Variants in KCNJ6 observed in about 807,000 individuals in gnomAD.
The protein encoded by KCNJ6 is potassium inwardly rectifying channel subfamily J member 6, also known as G protein-activated inward rectifier potassium channel 2.
In KCNJ6, 9 loss-of-function variants were observed where a neutral mutation model predicts 34.2. The ratio of observed to expected loss-of-function variants is 0.26; its 90% CI spans 0.16 to 0.46. The LOEUF (loss-of-function observed/expected upper bound fraction) is 0.46. Among genes scored for constraint, KCNJ6 ranks in the 20% least tolerant of loss-of-function variants. The pLI, the probability that KCNJ6 is intolerant of heterozygous loss-of-function variation, is 1.00. For synonymous variants in KCNJ6, 196 were observed against 207.1 expected (o/e 0.95, Z 0.46); for missense variants, 236 against 531.3 (o/e 0.44, Z 5.46).
chr21:37,634,583 G>C (rs1345837560), intron 3 of KCNJ6, among the ~76,000 whole-genome samples: 1 of 152,090 alleles, frequency 6.6e-6, no homozygotes, highest in Non-Finnish European at 1.5e-5. Flanking sequence ...TATTCACCTA[G>C]TGGAATTTTA....
chr21:37,908,856 T>G (rs774472242), intron 1 of KCNJ6, among the ~76,000 whole-genome samples: 1 of 152,218 alleles, frequency 6.6e-6, no homozygotes, highest in Non-Finnish European at 1.5e-5. Context: ...TTAGCTGTAT[T>G]TCTTTGCTGC....
At chr21:37,727,960 T>C (rs1479780770) in intron 2 of KCNJ6, among the ~76,000 whole-genome samples, 2 of 152,240 alleles carry the variant, frequency 1.3e-5, no homozygotes, top group African/African-American at 2.4e-5. Flanking sequence ...CTTCTGCATC[T>C]TGACTGGTCA....
chr21:37,732,347 A>C (rs1311447593), intron 2 of KCNJ6, among the ~76,000 whole-genome samples: 3 of 152,178 alleles, frequency 2.0e-5, no homozygotes, highest in Non-Finnish European at 4.4e-5. Context: ...CCTATCCTGG[A>C]GTGTCCATAA....
At chr21:37,749,018 G>A (rs1453960732) in intron 2 of KCNJ6, among the ~76,000 whole-genome samples, 1 of 152,174 alleles carries the variant, frequency 6.6e-6, no homozygotes, top group East Asian at 1.9e-4. Flanking sequence ...ATATGTGTAT[G>A]CATGTGTGTA....
At chr21:37,850,321 G>A (rs1431485979) in intron 1 of KCNJ6, among the ~76,000 whole-genome samples, 2 of 151,986 alleles carry the variant, frequency 1.3e-5, no homozygotes, top group African/African-American at 4.8e-5. Flanking sequence ...ACCCCAGGCC[G>A]TGGACCAATA....
chr21:37,660,741 G>A (rs556950428), intron 3 of KCNJ6, among the ~76,000 whole-genome samples: 2 of 152,354 alleles, frequency 1.3e-5, no homozygotes, highest in East Asian at 3.9e-4. Flanking sequence ...GCTGGAGGGA[G>A]CTTGTTGGAG....
At position 37,675,181 on chromosome 21, in the gene KCNJ6, T is replaced by C. The variant is rs896076537; in HGVS notation, c.946+39030A>G. On this transcript the variant is annotated intron_variant, in intron 3 of 3. Transcript: ENST00000609713. This position sits in a 1 kb window ranked among gnomAD's most constrained non-coding sequence, Gnocchi z 4.2. Reference sequence around the variant, plus strand: ...ATGTGATATTCCCAGCGTCTGGCAATGTAGCAGGGGCTCCGTTTTGAACTA... The same window carrying C: ...ATGTGATATTCCCAGCGTCTGGCAACGTAGCAGGGGCTCCGTTTTGAACTA... Among the ~76,000 whole-genome samples the C allele has an allele frequency of 6.6e-6, 1 of 152,194 alleles. No homozygotes were observed. Among genetic ancestry groups the C allele is most frequent in the Non-Finnish European group, 1.5e-5 (1 of 68,042 alleles).
chr21:37,899,187 C>A (rs2055804468), intron 1 of KCNJ6, among the ~76,000 whole-genome samples: 1 of 151,984 alleles, frequency 6.6e-6, no homozygotes, highest in Non-Finnish European at 1.5e-5. Context: ...TTGAGTTTCT[C>A]CTGGGTAAAG....
In KCNJ6 at chr21:37,621,296, C is replaced by G. The variant is rs922140408; in HGVS notation, c.*3863G>C. ...GAGTATTTTAATTGTATTCTCTCAG[C>G]AAATCAAATGATTTCCCATTCTTCT... On this transcript the variant is annotated 3_prime_UTR_variant, in exon 4 of 4. Transcript: ENST00000609713. The G allele has an allele frequency of 6.6e-6, 1 of 152,186 alleles. No individual in the cohort carries two copies. The highest frequency in any genetic ancestry group is 2.4e-5 in the African/African-American group (1 of 41,460). The allele number at this position is 152,186 out of a possible 1,614,324, so 9.4% of individuals were successfully genotyped here.
chr21:37,882,580 A>G lies in KCNJ6; in HGVS notation c.-28+33304T>C, dbSNP rs559517908. On this transcript the variant is annotated intron_variant, in intron 1 of 3. Transcript: ENST00000609713. ...TGGAAGAAGGCAGACAGGTATAACT[A>G]TGTTTCTTCACTTTGGCCAAATTCC... Among the ~76,000 whole-genome samples, 75 of 152,276 alleles carry G rather than the reference A, an allele frequency of 4.9e-4. 1 individual carries two copies. Among genetic ancestry groups the G allele is most frequent in the Admixed American group, 8.5e-4 (13 of 15,302 alleles).
intron 2 of KCNJ6, among the ~76,000 whole-genome samples, chr21:37,730,067 C>A (rs1601442197): frequency 6.6e-6 from 1 of 152,192 alleles, no homozygotes; most frequent in Non-Finnish European, 1.5e-5. Context: ...CTGCTTCAGG[C>A]TATTGTCTTG....
In KCNJ6 at chr21:37,715,109, G is replaced by A; in HGVS notation, c.48C>T (p.Ser16=). 6.2e-7 allele frequency: 1 copy of A among 1,613,458 alleles called. No individual in the cohort carries two copies. The highest frequency in any genetic ancestry group is 8.5e-7 in the Non-Finnish European group (1 of 1,179,660). ...ESMTNVLEGD[S]MDQDVESPVA... ...CTGGGCTTTCGACGTCCTGATCCAT[G>A]GAGTCGCCCTCCAGGACGTTAGCTG... Residue 16 remains serine, a synonymous_variant, in exon 3 of 4, where the codon TCC becomes TCT. Transcript: ENST00000609713.
At chr21:37,652,748 C>G (rs914503011) in intron 3 of KCNJ6, among the ~76,000 whole-genome samples, 5 of 152,058 alleles carry the variant, frequency 3.3e-5, no homozygotes, top group African/African-American at 9.7e-5. Context: ...GAAGATGGGA[C>G]TTAAAGCACA....
intron 1 of KCNJ6, among the ~76,000 whole-genome samples, chr21:37,896,921 G>A (rs925723039): frequency 2.0e-5 from 3 of 152,210 alleles, no homozygotes; most frequent in Admixed American, 2.0e-4. Context: ...AGGAAAAGAA[G>A]AAATGAGTGC....
At chr21:37,737,528 C>T (rs858022) in intron 2 of KCNJ6, among the ~76,000 whole-genome samples, 53,846 of 152,106 alleles carry the variant, frequency 0.35, 10,651 homozygotes, top group Admixed American at 0.46. Flanking sequence ...AATAACCTTG[C>T]GATATCTTTA....
At position 37,687,380 on chromosome 21, in the gene KCNJ6, C is replaced by T. The variant is rs1039678041; in HGVS notation, c.946+26831G>A. ...TTTCTAAACTGTGGCAGCCGCTTCC[C>T]TTTCTTCACAAGCAGACGGCACTGG... On this transcript the variant is annotated intron_variant, in intron 3 of 3. Coordinates refer to ENST00000609713, the MANE Select transcript of KCNJ6 (RefSeq NM_002240.5). Among the ~76,000 whole-genome samples, 80 of 152,136 alleles carry T rather than the reference C, an allele frequency of 5.3e-4. 1 individual carries two copies. The highest frequency in any genetic ancestry group is 1.8e-3 in the African/African-American group (74 of 41,418).
Position 37,741,810 on chromosome 21 carries a change from C to T in KCNJ6, c.26-26679G>A, listed in dbSNP as rs1470635817. On this transcript the variant is annotated intron_variant, in intron 2 of 3. Transcript: ENST00000609713. Reference sequence around the variant, plus strand: ...ACCCCACTGCCAACAGATGCCAAGTCCTGTGGCTTCCTTTTCCTAAAAGCC... The same window carrying T: ...ACCCCACTGCCAACAGATGCCAAGTTCTGTGGCTTCCTTTTCCTAAAAGCC... Among the ~76,000 whole-genome samples, 6 of 152,366 alleles carry T rather than the reference C, an allele frequency of 3.9e-5. No homozygotes were observed. In the South Asian group the frequency reaches 6.2e-4, roughly 16 times the overall value.
intron 3 of KCNJ6, among the ~76,000 whole-genome samples, chr21:37,636,932 C>T (rs1392678849): frequency 1.3e-5 from 2 of 152,204 alleles, no homozygotes; most frequent in Non-Finnish European, 2.9e-5. Context: ...ACCACTCTCA[C>T]CACTTCTGAA....
At chr21:37,837,460 G>A (rs2055457588) in intron 2 of KCNJ6, among the ~76,000 whole-genome samples, 1 of 152,274 alleles carries the variant, frequency 6.6e-6, no homozygotes, top group South Asian at 2.1e-4. Flanking sequence ...GGAAAGAAAT[G>A]CACCTCTTCC....
Sources: allele counts gnomAD v4.1 joint callset (sites outside exome capture counted in the v4.1 genomes callset), GRCh38; gene constraint gnomAD v4.1.1; non-coding constraint Gnocchi (gnomAD v3.1); transcripts MANE v1.5; gene names NCBI Gene and HGNC (gene_info 2026-07-23, HGNC 2026-07-21).